GRIK2: variants seen among roughly 807,000 people sequenced by gnomAD.
The protein encoded by GRIK2 is glutamate receptor ionotropic, kainate 2.
GRIK2 carries 32 observed loss-of-function variants against 100.3 expected under a neutral mutation model. The observed-to-expected ratio is 0.32, with a 90% confidence interval of 0.24 to 0.43. GRIK2 has a LOEUF of 0.43. Among genes scored for constraint, GRIK2 ranks in the 20% least tolerant of loss-of-function variants. The probability of loss-of-function intolerance (pLI) is 1.00; values close to 1 mark genes in which losing one functional copy is unlikely to be tolerated. For synonymous variants in GRIK2, 417 were observed against 389.4 expected (o/e 1.07, Z -0.83); for missense variants, 843 against 1,114.9 (o/e 0.76, Z 3.47).
intron 12 of GRIK2, among the ~76,000 whole-genome samples, chr6:101,901,406 G>T (rs574541691): frequency 4.3e-4 from 66 of 151,924 alleles, no homozygotes; most frequent in African/African-American, 1.4e-3. Context: ...TTTGACATTT[G>T]TAAAATTGCC....
chr6:101,782,925 C>G (rs1165386125), intron 7 of GRIK2, among the ~76,000 whole-genome samples: 2 of 148,000 alleles, frequency 1.4e-5, no homozygotes, highest in South Asian at 4.2e-4. Flanking sequence ...GGTGCGATCT[C>G]AGCTCACTGC....
intron 10 of GRIK2, among the ~76,000 whole-genome samples, chr6:101,834,171 T>G (rs542845213): frequency 6.6e-6 from 1 of 152,230 alleles, no homozygotes; most frequent in East Asian, 1.9e-4. Flanking sequence ...ATATAAATTT[T>G]ATAATCTCAA....
intron 2 of GRIK2, among the ~76,000 whole-genome samples, chr6:101,498,734 ATTTG>A (rs1205636997): frequency 1.3e-5 from 2 of 151,706 alleles, no homozygotes; most frequent in African/African-American, 2.4e-5. Context: ...TTTCTTGTAA[ATTTG>A]TTTGAGTTCA....
intron 7 of GRIK2, among the ~76,000 whole-genome samples, chr6:101,722,237 A>T (rs1001161251): frequency 6.6e-6 from 1 of 151,974 alleles, no homozygotes; most frequent in Non-Finnish European, 1.5e-5. Context: ...TTTATTGGTT[A>T]CTTATACCAG....
At chr6:101,540,072 A>AT (rs1387842838) in intron 2 of GRIK2, among the ~76,000 whole-genome samples, 1 of 151,198 alleles carries the variant, frequency 6.6e-6, no homozygotes, top group Admixed American at 6.6e-5. Flanking sequence ...ACTTCTTGGC[A>AT]TTTTTTTCAC....
intron 2 of GRIK2, among the ~76,000 whole-genome samples, chr6:101,573,792 C>A (rs1370282821): frequency 6.6e-6 from 1 of 151,954 alleles, no homozygotes; most frequent in East Asian, 1.9e-4. Flanking sequence ...CAGTATTTAA[C>A]CAATATAAAT....
At chr6:101,771,235 C>G (rs1247662443) in intron 7 of GRIK2, among the ~76,000 whole-genome samples, 1 of 151,106 alleles carries the variant, frequency 6.6e-6, no homozygotes, top group Non-Finnish European at 1.5e-5. Flanking sequence ...TCTTTTTTTT[C>G]TTTTTTCATT....
intron 10 of GRIK2, among the ~76,000 whole-genome samples, chr6:101,856,767 T>C (rs1334555359): frequency 6.6e-6 from 1 of 151,952 alleles, no homozygotes; most frequent in Admixed American, 6.6e-5. Flanking sequence ...TTGTTAGAAA[T>C]CCTAACTAAT....
rs564416780 is a variant in GRIK2 at position 101,880,801 on chromosome 6, A to G, written c.1525-8839A>G. On this transcript the variant is annotated intron_variant, in intron 11 of 16. Transcript: ENST00000369134. Reference sequence around the variant, plus strand: ...TAATAAGAATTGGTAGCATTCAAACATAGTAGCTAACAACATCCCACAACA... The same window carrying G: ...TAATAAGAATTGGTAGCATTCAAACGTAGTAGCTAACAACATCCCACAACA... Among the ~76,000 whole-genome samples, 11 of 152,166 alleles carry G rather than the reference A, an allele frequency of 7.2e-5. No homozygotes were observed. The East Asian group carries it at 2.1e-3, about 29-fold the overall frequency.
intron 2 of GRIK2, among the ~76,000 whole-genome samples, chr6:101,567,296 T>C (rs1370049163): frequency 6.6e-6 from 1 of 152,082 alleles, no homozygotes; most frequent in East Asian, 1.9e-4. Context: ...TCTTGTCATA[T>C]TGTAGTACTT....
intron 2 of GRIK2, among the ~76,000 whole-genome samples, chr6:101,461,237 C>G (rs997582815): frequency 6.6e-6 from 1 of 152,132 alleles, no homozygotes; most frequent in Non-Finnish European, 1.5e-5. Context: ...ATTTATCTTG[C>G]TGTTCTGTAG....
At chr6:101,803,251 T>C (rs1431454020) in intron 9 of GRIK2, among the ~76,000 whole-genome samples, 2 of 151,890 alleles carry the variant, frequency 1.3e-5, no homozygotes, top group African/African-American at 4.8e-5. Flanking sequence ...GCTTTATTTC[T>C]AGACAGAAAC....
At chr6:101,504,731 A>T (rs1313397541) in intron 2 of GRIK2, among the ~76,000 whole-genome samples, 1 of 152,088 alleles carries the variant, frequency 6.6e-6, no homozygotes, top group Non-Finnish European at 1.5e-5. Context: ...TGTGGAGGTT[A>T]TGAGATAACA....
At chr6:101,846,523 G>T (rs1783821625) in intron 10 of GRIK2, among the ~76,000 whole-genome samples, 1 of 152,008 alleles carries the variant, frequency 6.6e-6, no homozygotes, top group Non-Finnish European at 1.5e-5. Context: ...GGTAGTGTTG[G>T]CCTGAAAGAA....
At chr6:101,508,564 T>G (rs1040399600) in intron 2 of GRIK2, among the ~76,000 whole-genome samples, 2 of 152,132 alleles carry the variant, frequency 1.3e-5, no homozygotes, top group African/African-American at 4.8e-5. Flanking sequence ...TATCCTACCC[T>G]TAGGAGTTTT....
intron 14 of GRIK2, among the ~76,000 whole-genome samples, chr6:101,970,137 T>C (rs184707496): frequency 2.3e-4 from 35 of 152,194 alleles, no homozygotes; most frequent in African/African-American, 7.7e-4. Flanking sequence ...AATAAAAATT[T>C]GTTGAATTCA....
At chr6:101,671,294 G>A (rs529281512) in intron 4 of GRIK2, among the ~76,000 whole-genome samples, 123 of 151,846 alleles carry the variant, frequency 8.1e-4, no homozygotes, top group South Asian at 4.0e-3. Context: ...AATAAAAATT[G>A]GAACATTAAA....
chr6:101,437,245 T>G (rs1769774374), intron 2 of GRIK2, among the ~76,000 whole-genome samples: 1 of 152,014 alleles, frequency 6.6e-6, no homozygotes, highest in African/African-American at 2.4e-5. Context: ...ACAAACAGAA[T>G]GAAAGGCATT....
At chr6:101,908,326 T>TTTTAG (rs60006135) in intron 12 of GRIK2, among the ~76,000 whole-genome samples, 14 of 148,684 alleles carry the variant, frequency 9.4e-5, no homozygotes, top group Admixed American at 1.4e-4. Flanking sequence ...ACAATTATTT[T>TTTTAG]GCACCAGCCT....
Sources: allele counts gnomAD v4.1 joint callset (sites outside exome capture counted in the v4.1 genomes callset), GRCh38; gene constraint gnomAD v4.1.1; transcripts MANE v1.5; gene names NCBI Gene and HGNC (gene_info 2026-07-23, HGNC 2026-07-21).